Variants in MSRA observed in about 807,000 individuals in gnomAD.
MSRA encodes the protein mitochondrial peptide methionine sulfoxide reductase.
MSRA carries 54 observed loss-of-function variants against 31.3 expected under a neutral mutation model. The observed-to-expected ratio is 1.73, with a 90% CI of 1.39 to 2.17. The LOEUF is 2.17. Among genes scored for constraint, MSRA ranks in the 30% most tolerant of loss-of-function variants. MSRA has a pLI of 0.00. For synonymous variants in MSRA, 169 were observed against 116.5 expected, an observed-to-expected ratio of 1.45 and a Z score of -2.90; for missense variants, 507 against 300.9, an observed-to-expected ratio of 1.69 and a Z score of -5.07.
chr8:10,191,219 A>G (rs545233005), intron 1 of MSRA, among the ~76,000 whole-genome samples: 2 of 152,194 alleles, frequency 1.3e-5, no homozygotes, highest in Non-Finnish European at 2.9e-5. Context: ...AGACATCATT[A>G]TGAATAGGAA....
chr8:10,084,509 G>A (rs941543625), intron 1 of MSRA, among the ~76,000 whole-genome samples: 3 of 152,224 alleles, frequency 2.0e-5, no homozygotes, highest in South Asian at 2.1e-4. Flanking sequence ...ATTTTAGCGG[G>A]TGGGTATACA....
intron 1 of MSRA, among the ~76,000 whole-genome samples, chr8:10,132,914 C>G (rs1802000639): frequency 6.6e-6 from 1 of 152,226 alleles, no homozygotes; most frequent in African/African-American, 2.4e-5. Context: ...CATTTGCATA[C>G]TGACACTTGG....
intron 1 of MSRA, among the ~76,000 whole-genome samples, chr8:10,203,086 G>T (rs925937262): frequency 6.6e-6 from 1 of 152,098 alleles, no homozygotes; most frequent in Non-Finnish European, 1.5e-5. Context: ...TTAAGAACCT[G>T]TTATCTTTGG....
At chr8:10,334,168 GTGTGTGTGTGTGTGTATTTATGTGTGT>G (rs1345805877) in intron 5 of MSRA, among the ~76,000 whole-genome samples, 12 of 108,800 alleles carry the variant, frequency 1.1e-4, no homozygotes, top group Non-Finnish European at 2.1e-5. Flanking sequence ...ATATAGGGGT[GTGTGTGTGTGTGTGTATTTATGTGTGT>G]GTGTGTGTGT....
intron 3 of MSRA, among the ~76,000 whole-genome samples, chr8:10,272,089 C>T (rs1049017494): frequency 2.0e-5 from 3 of 152,158 alleles, no homozygotes; most frequent in Non-Finnish European, 4.4e-5. Flanking sequence ...GATGCTGGCT[C>T]CCTTCATGCC....
intron 2 of MSRA, among the ~76,000 whole-genome samples, chr8:10,218,289 G>C (rs928888726): frequency 5.9e-5 from 9 of 152,050 alleles, no homozygotes; most frequent in Middle Eastern, 3.4e-3. Flanking sequence ...GGGATTATAG[G>C]CGTGCACCAC....
At chr8:10,225,482 C>T (rs953982570) in intron 2 of MSRA, among the ~76,000 whole-genome samples, 22 of 152,160 alleles carry the variant, frequency 1.4e-4, no homozygotes, top group Admixed American at 1.0e-3. Context: ...AGATGAATCA[C>T]GTTCTTTACA....
chr8:10,341,843 G>A (rs535733394), intron 5 of MSRA, among the ~76,000 whole-genome samples: 5 of 152,336 alleles, frequency 3.3e-5, no homozygotes, highest in African/African-American at 9.6e-5. Flanking sequence ...TGCCCAAGGC[G>A]TGTGAACATT....
intron 1 of MSRA, among the ~76,000 whole-genome samples, chr8:10,205,296 GA>G (rs1031166260): frequency 1.3e-5 from 2 of 151,972 alleles, no homozygotes; most frequent in Non-Finnish European, 2.9e-5. Context: ...CTTCGGTAAT[GA>G]AAAAAAGAAG....
chr8:10,134,069 C>A (rs750358184), intron 1 of MSRA, among the ~76,000 whole-genome samples: 4 of 152,124 alleles, frequency 2.6e-5, no homozygotes, highest in Non-Finnish European at 5.9e-5. Context: ...TGACCTCAGG[C>A]GATCTGCCCA....
chr8:10,419,989 C>A (rs973057673), intron 5 of MSRA, among the ~76,000 whole-genome samples: 1 of 152,108 alleles, frequency 6.6e-6, no homozygotes, highest in Non-Finnish European at 1.5e-5. Flanking sequence ...TGGAGCATAA[C>A]GAGGTGTCTT....
chr8:10,377,275 C>T (rs1805808442), intron 5 of MSRA, among the ~76,000 whole-genome samples: 1 of 152,268 alleles, frequency 6.6e-6, no homozygotes, highest in African/African-American at 2.4e-5. Flanking sequence ...GGCAAAATCC[C>T]AAACTGGAAG....
chr8:10,077,787 A>G (rs1006632446), intron 1 of MSRA, among the ~76,000 whole-genome samples: 3 of 152,046 alleles, frequency 2.0e-5, no homozygotes, highest in African/African-American at 7.2e-5. Flanking sequence ...TGGAATCTGG[A>G]CCTGGCAATT....
Position 10,369,870 on chromosome 8 carries a change from T to C in MSRA, c.543+49881T>C, listed in dbSNP as rs180961031. Among the ~76,000 whole-genome samples, 4 of 152,332 alleles carry C rather than the reference T, an allele frequency of 2.6e-5. No homozygotes were observed. The East Asian group carries it at 5.8e-4, about 22-fold the overall frequency. ...TTTCAAAGCACTATTATATAACTTA[T>C]AGCAGATAAAAGAGGAACAATCATT... is the stretch of plus-strand genomic sequence containing the variant. On this transcript the variant is annotated intron_variant, in intron 5 of 5. Transcript: ENST00000317173.
chr8:10,301,402 C>G lies in MSRA; in HGVS notation c.332-132C>G, dbSNP rs1017958753. 9 of 657,322 alleles carry G rather than the reference C, an allele frequency of 1.4e-5. No homozygotes were observed. The African/African-American group carries it at 1.4e-4, about 11-fold the overall frequency. The allele number at this position is 657,322 out of a possible 1,614,324, so 40.7% of individuals were successfully genotyped here. ...CTTGAGAGAGACTCTTAGCTAAAGT[C>G]TAATCCTCCTTCCATTCTTCCTTCA... On this transcript the variant is annotated intron_variant, in intron 3 of 5. Transcript: ENST00000317173.
intron 5 of MSRA, among the ~76,000 whole-genome samples, chr8:10,375,714 G>A (rs563719801): frequency 1.3e-5 from 2 of 152,314 alleles, no homozygotes; most frequent in South Asian, 4.1e-4. Flanking sequence ...CACCATGCTG[G>A]TGCCTGCAAC....
At chr8:10,381,637 C>A (rs542848846) in intron 5 of MSRA, among the ~76,000 whole-genome samples, 2 of 152,316 alleles carry the variant, frequency 1.3e-5, no homozygotes, top group African/African-American at 4.8e-5. Flanking sequence ...GCTCTAGGTT[C>A]TGGCATTCTT....
At chr8:10,372,564 C>G (rs1316613738) in intron 5 of MSRA, among the ~76,000 whole-genome samples, 1 of 152,128 alleles carries the variant, frequency 6.6e-6, no homozygotes, top group African/African-American at 2.4e-5. Flanking sequence ...GCAACGGTAA[C>G]TATCCAATTG....
intron 2 of MSRA, among the ~76,000 whole-genome samples, chr8:10,223,206 A>G (rs1810681171): frequency 6.6e-6 from 1 of 152,190 alleles, no homozygotes; most frequent in South Asian, 2.1e-4. Flanking sequence ...GCATTTTTAG[A>G]TAGAATGGTT....
Sources: allele counts gnomAD v4.1 joint callset (sites outside exome capture counted in the v4.1 genomes callset), GRCh38; gene constraint gnomAD v4.1.1; transcripts MANE v1.5; gene names NCBI Gene and HGNC (gene_info 2026-07-23, HGNC 2026-07-21).